The following ROR1 variants were observed in gnomAD, a reference collection of about 807,000 sequenced individuals.
ROR1 encodes the protein ROR family WNT receptor 1.
A neutral mutation model predicts 78.8 loss-of-function variants in ROR1; 19 were observed. That is an observed-to-expected ratio of 0.24 (90% CI 0.17 to 0.35). The LOEUF (loss-of-function observed/expected upper bound fraction) is 0.35, where lower values mean the gene tolerates loss of function less well. Ranked by LOEUF, ROR1 falls within the 10% of genes least tolerant of loss-of-function variation. The pLI, the probability that ROR1 is intolerant of heterozygous loss-of-function variation, is 1.00. For missense variants in ROR1, 917 were observed against 1,177.8 expected, an observed-to-expected ratio of 0.78 and a Z score of 3.24; for synonymous variants, 386 against 433.6, an observed-to-expected ratio of 0.89 and a Z score of 1.36.
At chr1:64,094,406 T>C (rs1073712) in intron 4 of ROR1, 38,147 of 152,030 alleles carry the variant, frequency 0.25, 5,687 homozygotes, top group East Asian at 0.53. Context: ...ACTCACTGTA[T>C]GGATTGAGCA....
chr1:63,787,103 C>A (rs72928704), intron 1 of ROR1, among the ~76,000 whole-genome samples: 2,999 of 152,218 alleles, frequency 0.02, 105 homozygotes, highest in African/African-American at 0.069. Context: ...TACCCTCACA[C>A]CGGCCTACCT....
rs1331155403 is a variant in ROR1, at chr1:63,787,476, T to TCCTTCCTTCCTG, written c.91+12975_91+12976insTCCTGCCTTCCT. Among the ~76,000 whole-genome samples the TCCTTCCTTCCTG allele has an allele frequency of 4.8e-3, 641 of 132,520 alleles. 2 individuals carry two copies. The highest frequency in any genetic ancestry group is 7.9e-3 in the Middle Eastern group (2 of 254). 86.9% of individuals were successfully genotyped at this position (132,520 alleles called of 152,430 possible). A position where few individuals can be genotyped will look rare whatever the true frequency, so the allele number is the denominator to read the frequency against. Reference sequence around the variant, plus strand: ...TTCCTTCCTTCCTTCCTTCCTTCCTTCCTTCCTGCCTTCCTGCCTTCCTGA... The same window carrying TCCTTCCTTCCTG: ...TTCCTTCCTTCCTTCCTTCCTTCCTTCCTTCCTTCCTGCCTTCCTGCCTTCCTGCCTTCCTGA... On this transcript the variant is annotated intron_variant, in intron 1 of 8. Coordinates refer to ENST00000371079, the MANE Select transcript of ROR1 (RefSeq NM_005012.4).
chr1:64,064,177 G>C (rs927583625), intron 4 of ROR1, among the ~76,000 whole-genome samples: 1 of 152,204 alleles, frequency 6.6e-6, no homozygotes, highest in Non-Finnish European at 1.5e-5. Flanking sequence ...TGCAGCATCA[G>C]CAACAGACAG....
At chr1:63,875,839 A>G (rs1346413032) in intron 1 of ROR1, among the ~76,000 whole-genome samples, 3 of 152,150 alleles carry the variant, frequency 2.0e-5, no homozygotes, top group Admixed American at 1.3e-4. Flanking sequence ...TGGTAGCTAC[A>G]TTGCCTACTA....
chr1:64,015,346 C>T (rs1646511893), intron 2 of ROR1, among the ~76,000 whole-genome samples: 1 of 152,150 alleles, frequency 6.6e-6, no homozygotes, highest in African/African-American at 2.4e-5. Flanking sequence ...GGGATTCATG[C>T]CCATGTTGTG....
chr1:63,895,500 G>A (rs554685418), intron 1 of ROR1, among the ~76,000 whole-genome samples: 1 of 152,288 alleles, frequency 6.6e-6, no homozygotes, highest in Admixed American at 6.5e-5. Context: ...TGGAGGTAGT[G>A]TGAAGTCAGG....
chr1:63,986,282 A>G (rs746992383), intron 1 of ROR1, among the ~76,000 whole-genome samples: 15 of 152,272 alleles, frequency 9.9e-5, no homozygotes, highest in African/African-American at 3.1e-4. Context: ...TCTTGTTCCT[A>G]TAGTCAATAA....
At chr1:63,810,291 T>C (rs1433047758) in intron 1 of ROR1, among the ~76,000 whole-genome samples, 2 of 152,218 alleles carry the variant, frequency 1.3e-5, no homozygotes, top group Non-Finnish European at 2.9e-5. Flanking sequence ...TTGGGAACAT[T>C]CTAAGGCATT....
At position 64,032,642 on chromosome 1, in the gene ROR1, G is replaced by A. The variant is rs1646671048; in HGVS notation, c.164-17049G>A. Among the ~76,000 whole-genome samples the A allele has an allele frequency of 2.0e-5, 3 of 152,130 alleles. No individual in the cohort carries two copies. The South Asian group carries it at 6.2e-4, about 31-fold the overall frequency. On this transcript the variant is annotated intron_variant, in intron 2 of 8. Coordinates refer to ENST00000371079, the MANE Select transcript of ROR1 (RefSeq NM_005012.4). The stretch of plus-strand genomic sequence containing the variant: ...CTTATAACATCATAGCTTCTCAAAA[G>A]TATCCTAAGATTGCAATGGAGACCA...
intron 1 of ROR1, among the ~76,000 whole-genome samples, chr1:63,919,451 G>A (rs918172150): frequency 4.0e-5 from 6 of 148,606 alleles, no homozygotes; most frequent in Non-Finnish European, 8.9e-5. Context: ...TTCCCCTAAA[G>A]GTAGAGTTTT....
intron 1 of ROR1, among the ~76,000 whole-genome samples, chr1:63,886,653 G>A (rs955493235): frequency 2.0e-5 from 3 of 152,148 alleles, no homozygotes; most frequent in African/African-American, 7.2e-5. Flanking sequence ...GAATGTTGAA[G>A]GTTGGCTGCT....
intron 1 of ROR1, among the ~76,000 whole-genome samples, chr1:63,827,416 C>A (rs1204758375): frequency 6.6e-6 from 1 of 152,086 alleles, no homozygotes; most frequent in African/African-American, 2.4e-5. Flanking sequence ...CTTTCTTTTG[C>A]TGGTGGGAAG....
Position 64,180,170 on chromosome 1 carries a change from G to A in ROR1, c.*1315G>A, listed in dbSNP as rs578079430. The A allele has an allele frequency of 1.7e-4, 26 of 152,232 alleles. No individual in the cohort carries two copies. The highest frequency in any genetic ancestry group is 6.3e-4 in the African/African-American group (26 of 41,538). The allele number at this position is 152,232 out of a possible 1,614,324, so 9.4% of individuals were successfully genotyped here. A position where few individuals can be genotyped will look rare whatever the true frequency, so the allele number is the denominator to read the frequency against. The stretch of plus-strand genomic sequence containing the variant: ...GGGAGGTTTCAAATGTGCAGCTCAT[G>A]GCATTTACCTGCCGACCATCTTTTG... On this transcript the variant is annotated 3_prime_UTR_variant, in exon 9 of 9. Coordinates refer to ENST00000371079, the MANE Select transcript of ROR1 (RefSeq NM_005012.4).
intron 2 of ROR1, among the ~76,000 whole-genome samples, chr1:64,022,853 T>G (rs1430849004): frequency 2.0e-5 from 3 of 152,190 alleles, no homozygotes; most frequent in Non-Finnish European, 4.4e-5. Flanking sequence ...TGGTAAAGTG[T>G]CTATTTAGAG....
chr1:63,788,990 C>T, intron 1 of ROR1: 1 of 648,486 alleles, frequency 1.5e-6, no homozygotes, highest in African/African-American at 1.8e-5. Flanking sequence ...ATCTTCTGAG[C>T]AGCCAGCACA....
chr1:64,090,607 G>A (rs987640520), intron 4 of ROR1, among the ~76,000 whole-genome samples: 2 of 152,240 alleles, frequency 1.3e-5, no homozygotes, highest in East Asian at 1.9e-4. Context: ...CCGACCCCAC[G>A]TGGCCATTGT....
At chr1:63,945,352 CTAATA>C (rs2100462410) in intron 1 of ROR1, among the ~76,000 whole-genome samples, 1 of 151,836 alleles carries the variant, frequency 6.6e-6, no homozygotes, top group Admixed American at 6.5e-5. Context: ...GTGATTCACT[CTAATA>C]TTTTTTATTA....
chr1:63,957,052 G>A (rs1367826865), intron 1 of ROR1, among the ~76,000 whole-genome samples: 2 of 152,212 alleles, frequency 1.3e-5, no homozygotes, highest in Non-Finnish European at 2.9e-5. Context: ...CTTCAGGTCT[G>A]GCTGGGCGTC....
At chr1:64,037,294 A>G (rs1646710241) in intron 2 of ROR1, among the ~76,000 whole-genome samples, 1 of 152,176 alleles carries the variant, frequency 6.6e-6, no homozygotes, top group African/African-American at 2.4e-5. Flanking sequence ...GTCTTCCTGC[A>G]TGAGAAATAT....
Sources: gnomAD v4.1 joint callset for allele counts (sites outside exome capture counted in the v4.1 genomes callset) on GRCh38, gnomAD v4.1.1 for gene constraint, MANE v1.5 for transcripts, NCBI Gene and HGNC (gene_info 2026-07-23, HGNC 2026-07-21) for gene names.